Variants in NELL1 observed in about 807,000 individuals in gnomAD.
NELL1 encodes the protein protein kinase C-binding protein NELL1.
Under a neutral mutation model 107.4 loss-of-function variants are expected in NELL1, and 76 were observed. That is an observed-to-expected ratio of 0.71 (90% CI 0.59 to 0.86). NELL1 has a LOEUF of 0.86. NELL1 is among the 40% of genes least tolerant of loss of function. NELL1 has a pLI of 0.00. For missense variants in NELL1, 1,024 were observed against 1,005.5 expected (o/e 1.02, Z -0.25); for synonymous variants, 353 against 341.2 (o/e 1.03, Z -0.38).
chr11:21,049,297 C>G (rs1047711553), intron 12 of NELL1, among the ~76,000 whole-genome samples: 5 of 152,120 alleles, frequency 3.3e-5, no homozygotes, highest in Non-Finnish European at 5.9e-5. Flanking sequence ...ATGTTTCAGG[C>G]CTTTATAAGG....
At chr11:21,111,174 T>C (rs1239015916) in intron 12 of NELL1, among the ~76,000 whole-genome samples, 1 of 152,088 alleles carries the variant, frequency 6.6e-6, no homozygotes. Context: ...ATTCCTCTTG[T>C]TGAAAGATCT....
chr11:21,219,886 A>G lies in NELL1; in HGVS notation c.1427-9446A>G, dbSNP rs116574481. On this transcript the variant is annotated intron_variant, in intron 13 of 19. Coordinates refer to ENST00000357134, the MANE Select transcript of NELL1 (RefSeq NM_006157.5). Reference sequence around the variant, plus strand: ...TGACTCTCAGTTCTGCAGGCTGTACAGGAAGCATGGCTTCAGAAACCTTAG... The same window carrying G: ...TGACTCTCAGTTCTGCAGGCTGTACGGGAAGCATGGCTTCAGAAACCTTAG... 9.3e-3 allele frequency among the ~76,000 whole-genome samples: 1,414 copies of G among 152,334 alleles called. 11 individuals carry two copies. The highest frequency in any genetic ancestry group is 0.034 in the Middle Eastern group (10 of 294).
intron 14 of NELL1, among the ~76,000 whole-genome samples, chr11:21,271,131 A>G (rs1228528809): frequency 6.6e-6 from 1 of 152,058 alleles, no homozygotes; most frequent in Admixed American, 6.6e-5. Context: ...GAGAAAACAT[A>G]TAATAAAAAT....
chr11:21,545,917 G>A (rs1856430390), intron 16 of NELL1, among the ~76,000 whole-genome samples: 1 of 151,822 alleles, frequency 6.6e-6, no homozygotes, highest in Non-Finnish European at 1.5e-5. Flanking sequence ...TGTGGGTAAG[G>A]GCCTAGTGAT....
chr11:21,100,762 A>C (rs377642854), intron 12 of NELL1, among the ~76,000 whole-genome samples: 64 of 152,288 alleles, frequency 4.2e-4, no homozygotes, highest in Middle Eastern at 3.4e-3. Flanking sequence ...ATTCTATTTT[A>C]TATATTGTTC....
chr11:21,510,306 G>A (rs151178469), intron 15 of NELL1, among the ~76,000 whole-genome samples: 41 of 152,272 alleles, frequency 2.7e-4, no homozygotes, highest in African/African-American at 9.4e-4. Context: ...ATGCTGGAGG[G>A]GAGCACAGAA....
intron 12 of NELL1, among the ~76,000 whole-genome samples, chr11:20,965,228 C>T (rs1176494861): frequency 6.6e-6 from 1 of 152,144 alleles, no homozygotes; most frequent in Non-Finnish European, 1.5e-5. Context: ...AATGTTTTGT[C>T]ATGCCAAATT....
chr11:21,510,579 A>C (rs1206947567), intron 15 of NELL1, among the ~76,000 whole-genome samples: 3 of 152,200 alleles, frequency 2.0e-5, no homozygotes, highest in Non-Finnish European at 4.4e-5. Context: ...CAAATCTTCC[A>C]AAATGTTATG....
At chr11:20,860,044 T>A (rs539741199) in intron 4 of NELL1, among the ~76,000 whole-genome samples, 1 of 152,334 alleles carries the variant, frequency 6.6e-6, no homozygotes, top group African/African-American at 2.4e-5. Flanking sequence ...CTGTAGTTTC[T>A]CCTTGCATTG....
Position 21,518,625 on chromosome 11 carries a change from G to C in NELL1, c.1646-15749G>C, listed in dbSNP as rs186002097. Among the ~76,000 whole-genome samples, 5 of 152,240 alleles carry C rather than the reference G, an allele frequency of 3.3e-5. No individual in the cohort carries two copies. In the East Asian group the frequency reaches 9.7e-4, roughly 29 times the overall value. On this transcript the variant is annotated intron_variant, in intron 15 of 19. Transcript: ENST00000357134. ...AAAGCAACTAAGGATTAGATATAAT[G>C]GCATAAGGGAAGAAGTGAAACGTAG...
chr11:20,771,317 C>T (rs1162826022), intron 2 of NELL1, among the ~76,000 whole-genome samples: 1 of 152,060 alleles, frequency 6.6e-6, no homozygotes, highest in Non-Finnish European at 1.5e-5. Flanking sequence ...GCTGAGGCCA[C>T]CAAAGTCATT....
At chr11:21,270,976 A>C (rs1848727604) in intron 14 of NELL1, among the ~76,000 whole-genome samples, 1 of 152,120 alleles carries the variant, frequency 6.6e-6, no homozygotes, top group South Asian at 2.1e-4. Context: ...AAACTAAATA[A>C]AAATAAGATA....
At chr11:21,245,022 A>G (rs1266028746) in intron 14 of NELL1, among the ~76,000 whole-genome samples, 1 of 152,038 alleles carries the variant, frequency 6.6e-6, no homozygotes, top group African/African-American at 2.4e-5. Flanking sequence ...CTATCTATCT[A>G]CCTTATGACT....
chr11:21,058,240 T>C (rs1336181813), intron 12 of NELL1, among the ~76,000 whole-genome samples: 1 of 152,170 alleles, frequency 6.6e-6, no homozygotes, highest in Admixed American at 6.5e-5. Context: ...TTCATTACAA[T>C]TTTTTAAAAT....
intron 12 of NELL1, among the ~76,000 whole-genome samples, chr11:21,010,800 G>T (rs1400605350): frequency 6.6e-6 from 1 of 152,084 alleles, no homozygotes; most frequent in Non-Finnish European, 1.5e-5. Flanking sequence ...CCCTGCCCCA[G>T]ATAATTAGAA....
intron 15 of NELL1, among the ~76,000 whole-genome samples, chr11:21,514,544 T>C (rs1360903021): frequency 6.6e-6 from 1 of 152,242 alleles, no homozygotes; most frequent in Non-Finnish European, 1.5e-5. Context: ...GTTGTACCCA[T>C]GTGGCAACAT....
chr11:20,828,237 A>G (rs925315491), intron 3 of NELL1, among the ~76,000 whole-genome samples: 1 of 151,352 alleles, frequency 6.6e-6, no homozygotes, highest in Non-Finnish European at 1.5e-5. Flanking sequence ...GCACTCAATA[A>G]TTGTCAAATG....
At chr11:20,822,608 C>T (rs1301414532) in intron 3 of NELL1, among the ~76,000 whole-genome samples, 2 of 152,068 alleles carry the variant, frequency 1.3e-5, no homozygotes, top group Non-Finnish European at 2.9e-5. Flanking sequence ...TGATTTTTGG[C>T]AGATTTTGAC....
intron 15 of NELL1, among the ~76,000 whole-genome samples, chr11:21,512,265 CT>C (rs1855455959): frequency 6.6e-6 from 1 of 152,152 alleles, no homozygotes. Flanking sequence ...CTTTTCTTCT[CT>C]TTCTATCTCC....
Sources: allele counts gnomAD v4.1 joint callset (sites outside exome capture counted in the v4.1 genomes callset), GRCh38; gene constraint gnomAD v4.1.1; transcripts MANE v1.5; gene names NCBI Gene and HGNC (gene_info 2026-07-23, HGNC 2026-07-21).